EHMT1: variants seen among roughly 807,000 people sequenced by gnomAD.
EHMT1 encodes euchromatic histone lysine methyltransferase 1.
A neutral mutation model predicts 147.2 loss-of-function variants in EHMT1; 15 were observed. That is an observed-to-expected ratio of 0.10 (90% CI 0.07 to 0.16). EHMT1 has a LOEUF of 0.16. Ranked by LOEUF, EHMT1 falls within the 10% of genes least tolerant of loss-of-function variation. The pLI is 1.00. For synonymous variants in EHMT1, 795 were observed against 709.6 expected (o/e 1.12, Z -1.91); for missense variants, 1,587 against 1,772.4 (o/e 0.90, Z 1.88).
At chr9:137,676,999 T>C (rs1162074947) in intron 1 of EHMT1, among the ~76,000 whole-genome samples, 1 of 152,150 alleles carries the variant, frequency 6.6e-6, no homozygotes, top group African/African-American at 2.4e-5. Context: ...GGATTTTAGC[T>C]GAACTAAGGA....
intron 4 of EHMT1, among the ~76,000 whole-genome samples, chr9:137,733,625 G>C (rs1206913690): frequency 1.3e-5 from 2 of 152,210 alleles, no homozygotes; most frequent in Non-Finnish European, 2.9e-5. Context: ...TGCAGCTTGT[G>C]GGAGCCAGGG....
intron 15 of EHMT1, chr9:137,784,479 C>A: frequency 1.9e-6 from 2 of 1,036,788 alleles, no homozygotes; most frequent in Non-Finnish European, 2.4e-6. Flanking sequence ...TTTCTCTTCT[C>A]TCTGGAAGTT....
intron 21 of EHMT1, 174 bp from the exon 22 acceptor site, chr9:137,814,257 G>A (rs1437260471): frequency 4.2e-6 from 3 of 717,878 alleles, no homozygotes; most frequent in African/African-American, 1.7e-5. Context: ...ACAGGCACTC[G>A]ACATGTTTCT....
chr9:137,642,821 C>G (rs899219755), intron 1 of EHMT1, among the ~76,000 whole-genome samples: 10 of 152,178 alleles, frequency 6.6e-5, no homozygotes, highest in African/African-American at 9.7e-5. Context: ...TTTATACTGT[C>G]TTATGTAGCT....
intron 1 of EHMT1, among the ~76,000 whole-genome samples, chr9:137,631,370 T>C (rs770161721): frequency 1.3e-5 from 2 of 151,686 alleles, no homozygotes; most frequent in East Asian, 1.9e-4. Flanking sequence ...CCAGCCTGGG[T>C]AACAAGAGTG....
intron 1 of EHMT1, among the ~76,000 whole-genome samples, chr9:137,668,378 C>T (rs1247871997): frequency 6.6e-6 from 1 of 151,928 alleles, no homozygotes; most frequent in Non-Finnish European, 1.5e-5. Flanking sequence ...CTCATCCATC[C>T]ATCCATCTAC....
chr9:137,730,520 G>A (rs1368831680), intron 4 of EHMT1, among the ~76,000 whole-genome samples: 1 of 152,202 alleles, frequency 6.6e-6, no homozygotes, highest in Non-Finnish European at 1.5e-5. Flanking sequence ...TGAACTCGTG[G>A]GCTCAAGCAG....
chr9:137,702,406 T>A (rs1255665225), intron 1 of EHMT1, among the ~76,000 whole-genome samples: 1 of 152,158 alleles, frequency 6.6e-6, no homozygotes, highest in Non-Finnish European at 1.5e-5. Context: ...AGGGAAAAAT[T>A]GACCAAAACA....
chr9:137,738,476 T>C (rs944412140), intron 4 of EHMT1: 4 of 152,214 alleles, frequency 2.6e-5, no homozygotes, highest in East Asian at 1.9e-4. Flanking sequence ...ACGGTGCATC[T>C]GCTGTGAAAA....
At chr9:137,626,301 A>T (rs1564516267) in intron 1 of EHMT1, among the ~76,000 whole-genome samples, 1 of 151,914 alleles carries the variant, frequency 6.6e-6, no homozygotes, top group Non-Finnish European at 1.5e-5. Context: ...TAAAGTTATT[A>T]AAAAACTATT....
intron 18 of EHMT1, among the ~76,000 whole-genome samples, chr9:137,806,292 T>G (rs1225917890): frequency 6.6e-6 from 1 of 151,488 alleles, no homozygotes; most frequent in Non-Finnish European, 1.5e-5. Context: ...GCAGAAGAGC[T>G]CTGCAGTTGC....
At chr9:137,684,252 C>T (rs1942229224) in intron 1 of EHMT1, among the ~76,000 whole-genome samples, 1 of 152,126 alleles carries the variant, frequency 6.6e-6, no homozygotes, top group African/African-American at 2.4e-5. Context: ...AGGCTGGTCT[C>T]AAACTCCTGG....
chr9:137,640,851 T>TC (rs1224110919), intron 1 of EHMT1: 4 of 152,514 alleles, frequency 2.6e-5, no homozygotes, highest in East Asian at 1.9e-4. Flanking sequence ...TCAAGGTATT[T>TC]CCCCCCCAGA....
chr9:137,762,332 CTT>C (rs1208886584), intron 9 of EHMT1, among the ~76,000 whole-genome samples: 1 of 151,728 alleles, frequency 6.6e-6, no homozygotes, highest in East Asian at 1.9e-4. Flanking sequence ...AGTGAATGCT[CTT>C]TTGTTTGAAA....
intron 15 of EHMT1, chr9:137,788,291 G>T: frequency 1.2e-5 from 5 of 420,456 alleles, no homozygotes; most frequent in South Asian, 6.9e-5. Context: ...GCAGATGACC[G>T]AGCGGCTGGT....
intron 4 of EHMT1, among the ~76,000 whole-genome samples, chr9:137,736,012 A>C (rs892927902): frequency 3.9e-5 from 6 of 152,204 alleles, no homozygotes; most frequent in Non-Finnish European, 8.8e-5. Context: ...AGGCAGATGC[A>C]TCAAGAGAAA....
chr9:137,695,059 T>A (rs1345267745), intron 1 of EHMT1, among the ~76,000 whole-genome samples: 1 of 152,242 alleles, frequency 6.6e-6, no homozygotes, highest in Non-Finnish European at 1.5e-5. Context: ...CCTGAAAGAC[T>A]CTAAACAGAC....
intron 2 of EHMT1, 43 bp downstream of exon 2, chr9:137,711,073 C>T: frequency 6.5e-7 from 1 of 1,550,180 alleles, no homozygotes; most frequent in Non-Finnish European, 8.7e-7. Context: ...GCGCCTCCCT[C>T]CAGACTAGAA....
intron 1 of EHMT1, among the ~76,000 whole-genome samples, chr9:137,644,326 TA>T (rs2133857240): frequency 6.8e-6 from 1 of 147,136 alleles, no homozygotes; most frequent in African/African-American, 2.5e-5. Flanking sequence ...AACAGTCACA[TA>T]CTTTTTTTTT....
Sources: allele counts gnomAD v4.1 joint callset (sites outside exome capture counted in the v4.1 genomes callset), GRCh38; gene constraint gnomAD v4.1.1; transcripts MANE v1.5; gene names NCBI Gene and HGNC (gene_info 2026-07-23, HGNC 2026-07-21).